The following DGKB variants were observed in gnomAD, a reference collection of about 807,000 sequenced individuals.
The protein encoded by DGKB is 90 kDa diacylglycerol kinase.
A neutral mutation model predicts 114.3 loss-of-function variants in DGKB; 67 were observed. The ratio of observed to expected loss-of-function variants is 0.59; its 90% confidence interval spans 0.48 to 0.72. The LOEUF (loss-of-function observed/expected upper bound fraction) is 0.72, where lower values mean the gene tolerates loss of function less well. DGKB is among the 30% of genes least tolerant of loss of function. The pLI is 0.00. For missense variants in DGKB, 907 were observed against 975.2 expected (o/e 0.93, Z 0.93); for synonymous variants, 398 against 323.1 (o/e 1.23, Z -2.49).
At chr7:14,674,557 G>C (rs1191870848) in intron 12 of DGKB, among the ~76,000 whole-genome samples, 2 of 152,128 alleles carry the variant, frequency 1.3e-5, no homozygotes, top group East Asian at 3.9e-4. Flanking sequence ...AAGATATGCT[G>C]AAGTCCTAAC....
chr7:14,573,770 T>C (rs1798720813), intron 20 of DGKB, among the ~76,000 whole-genome samples: 1 of 131,940 alleles, frequency 7.6e-6, no homozygotes, highest in Admixed American at 8.2e-5. Context: ...TAGCAGGATT[T>C]TTTGTAGACT....
intron 23 of DGKB, among the ~76,000 whole-genome samples, chr7:14,288,331 A>G (rs1801227885): frequency 1.5e-5 from 2 of 132,604 alleles, no homozygotes; most frequent in African/African-American, 5.7e-5. Flanking sequence ...TACTGCTGCA[A>G]CCTGGGAGAA....
chr7:14,698,681 T>C (rs1563947072), intron 7 of DGKB, among the ~76,000 whole-genome samples: 2 of 152,158 alleles, frequency 1.3e-5, no homozygotes, highest in Non-Finnish European at 2.9e-5. Context: ...AGGACAAGTA[T>C]ATGCAGCATT....
chr7:14,907,382 G>A (rs185668621), upstream of DGKB, among the ~76,000 whole-genome samples: 1 of 152,154 alleles, frequency 6.6e-6, no homozygotes, highest in Non-Finnish European at 1.5e-5. Context: ...CTGGCTCCAT[G>A]ATTTTGGGAA....
intron 1 of DGKB, among the ~76,000 whole-genome samples, chr7:14,852,496 A>AAAAACAAAAAAAAAAAAAAAC (rs74765279): frequency 1.3e-5 from 2 of 149,018 alleles, no homozygotes; most frequent in African/African-American, 2.4e-5. Context: ...TCAAAAAAAA[A>AAAAACAAAAAAAAAAAAAAAC]ACAGAAATCA....
At chr7:14,816,427 C>G (rs1327582332) in intron 2 of DGKB, 2 of 152,192 alleles carry the variant, frequency 1.3e-5, no homozygotes. Flanking sequence ...TTTCTCAACT[C>G]TTCTCCATGT....
chr7:14,836,222 C>G (rs1388279208), intron 2 of DGKB, among the ~76,000 whole-genome samples: 1 of 152,172 alleles, frequency 6.6e-6, no homozygotes, highest in Non-Finnish European at 1.5e-5. Context: ...AAACTGCACA[C>G]CAGGTCCAAA....
intron 20 of DGKB, among the ~76,000 whole-genome samples, chr7:14,548,266 C>A (rs923501354): frequency 1.3e-5 from 2 of 152,130 alleles, no homozygotes; most frequent in Non-Finnish European, 2.9e-5. Context: ...CATTCCTTCA[C>A]CTGGAGGAGC....
chr7:14,212,443 T>C (rs926365123), intron 23 of DGKB, among the ~76,000 whole-genome samples: 1 of 151,646 alleles, frequency 6.6e-6, no homozygotes, highest in African/African-American at 2.4e-5. Context: ...TACTCTCATG[T>C]TTTGTGTTCC....
At chr7:14,615,033 T>C (rs754503604) in intron 15 of DGKB, among the ~76,000 whole-genome samples, 9 of 152,054 alleles carry the variant, frequency 5.9e-5, no homozygotes, top group Non-Finnish European at 1.3e-4. Flanking sequence ...CAACTATATC[T>C]AAAAACCTGT....
intron 23 of DGKB, among the ~76,000 whole-genome samples, chr7:14,205,315 T>C (rs917496977): frequency 3.3e-5 from 5 of 151,898 alleles, no homozygotes; most frequent in African/African-American, 1.2e-4. Context: ...CAGCTATGGT[T>C]CTACATTGTT....
intron 23 of DGKB, chr7:14,190,684 A>G (rs1422687991): frequency 6.6e-6 from 1 of 152,174 alleles, no homozygotes. Context: ...AGAAGACTCA[A>G]AAAAATAAAA....
intron 23 of DGKB, among the ~76,000 whole-genome samples, chr7:14,207,709 G>A (rs1787061289): frequency 6.6e-6 from 1 of 151,954 alleles, no homozygotes; most frequent in East Asian, 1.9e-4. Context: ...TGATAAATGT[G>A]TCAAAATAAA....
intron 1 of DGKB, among the ~76,000 whole-genome samples, chr7:14,872,045 G>T (rs1420184897): frequency 1.3e-5 from 2 of 152,040 alleles, no homozygotes; most frequent in African/African-American, 4.8e-5. Context: ...CAAGTTCTTT[G>T]TGAAGCAAAG....
intron 23 of DGKB, among the ~76,000 whole-genome samples, chr7:14,301,363 C>T (rs1222494948): frequency 6.6e-6 from 1 of 151,980 alleles, no homozygotes; most frequent in Non-Finnish European, 1.5e-5. Context: ...TCCTACACAC[C>T]CTAACAATTG....
intron 20 of DGKB, among the ~76,000 whole-genome samples, chr7:14,570,971 G>T (rs2128702403): frequency 6.6e-6 from 1 of 152,176 alleles, no homozygotes; most frequent in East Asian, 1.9e-4. Context: ...TCTTTACTTT[G>T]TATTTGAGGT....
chr7:14,700,585 G>C (rs918548374), intron 7 of DGKB, among the ~76,000 whole-genome samples: 1 of 152,124 alleles, frequency 6.6e-6, no homozygotes, highest in Non-Finnish European at 1.5e-5. Context: ...CAGAGTGATG[G>C]TCATTTCCTA....
intron 2 of DGKB, among the ~76,000 whole-genome samples, chr7:14,797,688 A>G (rs1040671726): frequency 1.3e-5 from 2 of 151,294 alleles, no homozygotes; most frequent in African/African-American, 4.9e-5. Flanking sequence ...GGTTTCATCT[A>G]CATAATAATG....
At chr7:14,592,805 C>T (rs1332232952) in intron 17 of DGKB, among the ~76,000 whole-genome samples, 2 of 151,772 alleles carry the variant, frequency 1.3e-5, no homozygotes, top group East Asian at 3.9e-4. Flanking sequence ...TAATGTGACT[C>T]TCTCAACATT....
Sources: gnomAD v4.1 joint callset for allele counts (sites outside exome capture counted in the v4.1 genomes callset) on GRCh38, gnomAD v4.1.1 for gene constraint, MANE v1.5 for transcripts, NCBI Gene and HGNC (gene_info 2026-07-23, HGNC 2026-07-21) for gene names.